MAP3K7: variants seen among roughly 807,000 people sequenced by gnomAD.
The protein encoded by MAP3K7 is TGF-beta activated kinase 1.
In MAP3K7, 21 loss-of-function variants were observed where a neutral mutation model predicts 84.8. That is an observed-to-expected ratio of 0.25 (90% confidence interval 0.18 to 0.36). The LOEUF is 0.36. Ranked by LOEUF, MAP3K7 falls within the 10% of genes least tolerant of loss-of-function variation. MAP3K7 has a pLI of 1.00. For synonymous variants in MAP3K7, 241 were observed against 247.7 expected (o/e 0.97, Z 0.25); for missense variants, 503 against 747.7 (o/e 0.67, Z 3.82).
At chr6:90,557,675 C>G (rs532942367) in intron 5 of MAP3K7, among the ~76,000 whole-genome samples, 8 of 152,030 alleles carry the variant, frequency 5.3e-5, no homozygotes, top group Admixed American at 3.3e-4. Context: ...CTGGTATATT[C>G]AAGATATCAA....
chr6:90,542,151 T>A (rs1464987585), intron 12 of MAP3K7: 3 of 809,862 alleles, frequency 3.7e-6, no homozygotes, highest in African/African-American at 1.9e-5. Flanking sequence ...ATTTTGGAAA[T>A]TAAGTATCAC....
rs149415194 is a variant in MAP3K7 at position 90,574,991 on chromosome 6, TAAAG to T, written c.121-3188_121-3185del. 4.7e-3 allele frequency among the ~76,000 whole-genome samples: 714 copies of T among 152,142 alleles called. 6 individuals are homozygous for T. Among genetic ancestry groups the T allele is most frequent in the African/African-American group, 0.016 (674 of 41,498 alleles). On this transcript the variant is annotated intron_variant, in intron 1 of 16. Transcript: ENST00000369329. ...GAAATGACAGGATCTAAAGTTATAA[TAAAG>T]AAAGGTGAAGATGTCCAAGGTTGTA...
intron 12 of MAP3K7, among the ~76,000 whole-genome samples, chr6:90,540,411 T>C (rs550999868): frequency 9.2e-5 from 14 of 151,996 alleles, no homozygotes; most frequent in African/African-American, 3.1e-4. Flanking sequence ...AACTAAGAAA[T>C]AAATTTATCT....
intron 5 of MAP3K7, 140 bp from the exon 6 acceptor site, chr6:90,556,764 ACTTG>A: frequency 9.9e-6 from 8 of 809,532 alleles, no homozygotes; most frequent in Non-Finnish European, 1.5e-5. Flanking sequence ...TGACTAATTT[ACTTG>A]GTCACTATAA....
At chr6:90,560,053 G>A (rs781423443) in intron 5 of MAP3K7, 23 bp downstream of exon 5, 2 of 1,613,882 alleles carry the variant, frequency 1.2e-6, no homozygotes, top group South Asian at 1.1e-5. Context: ...GAGGCTGAGG[G>A]GTGTCACATT....
intron 13 of MAP3K7, among the ~76,000 whole-genome samples, chr6:90,534,786 C>T (rs1331248613): frequency 3.3e-5 from 5 of 152,154 alleles, no homozygotes; most frequent in East Asian, 1.9e-4. Flanking sequence ...TTAGGACAAG[C>T]TTCTCATTCC....
At position 90,523,699 on chromosome 6, in the gene MAP3K7, A is replaced by G. The variant is rs1005730293; in HGVS notation, c.1441T>C (p.Trp481Arg). 2.5e-6 allele frequency: 4 copies of G among 1,613,218 alleles called. No homozygotes were observed. Among genetic ancestry groups the G allele is most frequent in the Non-Finnish European group, 3.4e-6 (4 of 1,179,282 alleles). The change falls in exon 14 of 17, where the codon TGG becomes CGG. Residue 481 changes from tryptophan (W) to arginine (R), a missense_variant. Coordinates refer to ENST00000369329, the MANE Select transcript of MAP3K7 (RefSeq NM_145331.3). ...TCACCTGTGGAATCATCAGGGGTCC[A>G]TGGATGACTTCGAGTTGGCTTTTCT... ...TSEKPTRSHP[W>R]TPDDSTDTNG...
chr6:90,547,225 T>G (rs770968656), intron 11 of MAP3K7, 33 bp downstream of exon 11: 1 of 1,611,700 alleles, frequency 6.2e-7, no homozygotes, highest in South Asian at 1.1e-5. Flanking sequence ...CTTATATACA[T>G]TTTCACTCTT....
intron 7 of MAP3K7, 107 bp downstream of exon 7, chr6:90,553,351 C>A: frequency 8.9e-7 from 1 of 1,121,458 alleles, no homozygotes; most frequent in Non-Finnish European, 1.3e-6. Context: ...AAGAATTGTA[C>A]ATTTTAATGT....
At position 90,550,639 on chromosome 6, in the gene MAP3K7, A is replaced by G. The variant is rs1038717151; in HGVS notation, c.868-90T>C. On this transcript the variant is annotated intron_variant, in intron 8 of 16. Coordinates refer to ENST00000369329, the MANE Select transcript of MAP3K7 (RefSeq NM_145331.3). ...TTTTATTTTCCCTAAGTTATATACTAAATTTGTAGGTGCCTAAGTTTTTTA... is the reference window on the plus strand; with the variant it reads ...TTTTATTTTCCCTAAGTTATATACTGAATTTGTAGGTGCCTAAGTTTTTTA... The G allele has an allele frequency of 1.1e-5, 8 of 755,392 alleles. No homozygotes were observed. The African/African-American group carries it at 1.4e-4, about 13-fold the overall frequency. 46.8% of individuals were successfully genotyped at this position (755,392 alleles called of 1,614,324 possible).
intron 3 of MAP3K7, among the ~76,000 whole-genome samples, chr6:90,566,516 G>C (rs1461372819): frequency 4.6e-5 from 7 of 152,124 alleles, no homozygotes; most frequent in Non-Finnish European, 1.0e-4. Flanking sequence ...GGATGTGAAG[G>C]ACCTCTTCAA....
chr6:90,563,188 G>A lies in MAP3K7; in HGVS notation c.298-1521C>T, dbSNP rs190773887. Among the ~76,000 whole-genome samples, 7 of 152,132 alleles carry A rather than the reference G, an allele frequency of 4.6e-5. No homozygotes were observed. In the East Asian group the frequency reaches 9.7e-4, roughly 21 times the overall value. On this transcript the variant is annotated intron_variant, in intron 3 of 16. Coordinates refer to ENST00000369329, the MANE Select transcript of MAP3K7 (RefSeq NM_145331.3). Reference sequence around the variant, plus strand: ...CACCTCTTCTCCTCCAAAGCTCCTTGCCAGCAACGGAACAAAGCTGGATGG... The same window carrying A: ...CACCTCTTCTCCTCCAAAGCTCCTTACCAGCAACGGAACAAAGCTGGATGG...
At chr6:90,557,625 A>G (rs1776376947) in intron 5 of MAP3K7, among the ~76,000 whole-genome samples, 1 of 152,212 alleles carries the variant, frequency 6.6e-6, no homozygotes, top group Non-Finnish European at 1.5e-5. Context: ...TTTACCCAAG[A>G]AAATTATAAG....
chr6:90,559,561 T>G (rs1476729628), intron 5 of MAP3K7, among the ~76,000 whole-genome samples: 1 of 152,208 alleles, frequency 6.6e-6, no homozygotes, highest in Non-Finnish European at 1.5e-5. Context: ...CTAAGGAATT[T>G]ATAAGTTTTT....
intron 13 of MAP3K7, among the ~76,000 whole-genome samples, chr6:90,528,875 T>C (rs1450256162): frequency 2.6e-5 from 4 of 152,206 alleles, no homozygotes; most frequent in Non-Finnish European, 4.4e-5. Flanking sequence ...CCCACTGAAA[T>C]TGCTTCAGAA....
chr6:90,543,619 T>G (rs1159186309), intron 12 of MAP3K7, among the ~76,000 whole-genome samples: 1 of 152,074 alleles, frequency 6.6e-6, no homozygotes, highest in Non-Finnish European at 1.5e-5. Flanking sequence ...CAACTAGAAT[T>G]ATCAACACTG....
intron 3 of MAP3K7, among the ~76,000 whole-genome samples, chr6:90,562,736 A>C (rs1776567579): frequency 1.3e-5 from 2 of 152,354 alleles, no homozygotes; most frequent in Middle Eastern, 3.4e-3. Flanking sequence ...TGATTCTCCC[A>C]GCATGGAGTT....
chr6:90,569,602 G>A (rs1776833698), intron 2 of MAP3K7, among the ~76,000 whole-genome samples: 1 of 151,906 alleles, frequency 6.6e-6, no homozygotes, highest in African/African-American at 2.4e-5. Context: ...CTCAGCCTCT[G>A]GAGTAGCTGG....
intron 3 of MAP3K7, among the ~76,000 whole-genome samples, chr6:90,563,682 C>T (rs756966572): frequency 1.8e-4 from 28 of 152,242 alleles, no homozygotes; most frequent in Middle Eastern, 3.4e-3. Flanking sequence ...AACCTAGCAA[C>T]GCAGGCCAAC....
Sources: gnomAD v4.1 joint callset for allele counts (sites outside exome capture counted in the v4.1 genomes callset) on GRCh38, gnomAD v4.1.1 for gene constraint, MANE v1.5 for transcripts, NCBI Gene and HGNC (gene_info 2026-07-23, HGNC 2026-07-21) for gene names.